Variants in ANGPT4 observed in about 807,000 individuals in gnomAD.
ANGPT4 encodes the protein angiopoietin 4.
A neutral mutation model predicts 53.0 loss-of-function variants in ANGPT4; 50 were observed. The observed-to-expected ratio is 0.94, with a 90% CI of 0.75 to 1.20. The LOEUF is 1.20. ANGPT4 is among the 50% of genes most tolerant of loss of function. ANGPT4 has a pLI of 0.00. For synonymous variants in ANGPT4, 251 were observed against 259.7 expected (o/e 0.97, Z 0.32); for missense variants, 648 against 637.1 (o/e 1.02, Z -0.18).
At chr20:890,492 G>A (rs1981799659) in intron 1 of ANGPT4, 124 bp from the exon 2 acceptor site, 2 of 799,074 alleles carry the variant, frequency 2.5e-6, no homozygotes, top group Non-Finnish European at 3.9e-6. Flanking sequence ...GAACATGCCG[G>A]GCCAGGTCAG....
rs1052692098 is a variant in ANGPT4, at chr20:881,115, G to C, written c.951+56C>G. Reference sequence around the variant, plus strand: ...CGATGGGGTGCGGGGTGTCTGTTTGGGAAGCCCTTGGCTCAGCACCCTCTA... The same window carrying C: ...CGATGGGGTGCGGGGTGTCTGTTTGCGAAGCCCTTGGCTCAGCACCCTCTA... On this transcript the variant is annotated intron_variant, in intron 5 of 8. Coordinates refer to ENST00000381922, the MANE Select transcript of ANGPT4 (RefSeq NM_015985.4). 24 of 1,356,384 alleles carry C rather than the reference G, an allele frequency of 1.8e-5. No individual in the cohort carries two copies. The African/African-American group carries it at 3.1e-4, about 18-fold the overall frequency. 84.0% of individuals were successfully genotyped at this position (1,356,384 alleles called of 1,614,324 possible).
At chr20:899,469 A>G (rs111561007) in intron 1 of ANGPT4, among the ~76,000 whole-genome samples, 4,169 of 151,846 alleles carry the variant, frequency 0.027, 181 homozygotes, top group African/African-American at 0.095. Flanking sequence ...TAGCCAGGAT[A>G]TTCTCGATTT....
intron 1 of ANGPT4, among the ~76,000 whole-genome samples, chr20:902,244 T>C (rs569003703): frequency 2.4e-4 from 37 of 152,206 alleles, no homozygotes; most frequent in African/African-American, 8.4e-4. Context: ...TAATAGAATA[T>C]TTAACAACTA....
chr20:879,889 G>A (rs901370095), intron 5 of ANGPT4, 41 bp from the exon 6 acceptor site: 1 of 1,526,980 alleles, frequency 6.5e-7, no homozygotes, highest in Non-Finnish European at 9.0e-7. Context: ...GCCCTTGGAG[G>A]TAGCCAGAGG....
At position 890,234 on chromosome 20, in the gene ANGPT4, C is replaced by T. The variant is rs1418870123; in HGVS notation, c.444G>A (p.Lys148=). 1 of 1,613,762 alleles carries T rather than the reference C, an allele frequency of 6.2e-7. No homozygotes were observed. Among genetic ancestry groups the T allele is most frequent in the Non-Finnish European group, 8.5e-7 (1 of 1,179,954 alleles). The change falls in exon 2 of 9, where the codon AAG becomes AAA. Residue 148 remains lysine, a synonymous_variant. Transcript: ENST00000381922. The part of the protein sequence containing the change: ...LLNQTTAQIR[K]LTDMEAQLLN... The stretch of plus-strand genomic sequence containing the variant: ...TTACCTGAGCCTCCATGTCGGTCAG[C>T]TTGCGGATCTGGGCAGTGGTCTGGT...
Position 885,213 on chromosome 20 carries a change from G to T in ANGPT4, c.700C>A (p.Leu234Ile). The change falls in exon 4 of 9, where the codon CTC (leucine) becomes ATC (isoleucine). Residue 234 changes from leucine (L) to isoleucine (I), a missense_variant. Physicochemically the swap from Leu to Ile is conservative, Grantham distance 5 (BLOSUM62 2). Coordinates refer to ENST00000381922, the MANE Select transcript of ANGPT4 (RefSeq NM_015985.4). ...LNTLSRQSAALTNIERGLRGV... is the reference protein window; with the variant it reads ...LNTLSRQSAAITNIERGLRGV... ...CGCAGGCCGCGCTCGATGTTGGTGA[G>T]GGCGGCGCTCTGGCGGCTCAGCGTG... The T allele has an allele frequency of 6.3e-7, 1 of 1,595,938 alleles. No individual in the cohort carries two copies. Among genetic ancestry groups the T allele is most frequent in the East Asian group, 2.3e-5 (1 of 44,072 alleles).
intron 1 of ANGPT4, among the ~76,000 whole-genome samples, chr20:907,241 C>T (rs1414438240): frequency 6.6e-6 from 1 of 152,124 alleles, no homozygotes; most frequent in Non-Finnish European, 1.5e-5. Flanking sequence ...ATATTTGGGA[C>T]TTCCCTGGCT....
intron 1 of ANGPT4, among the ~76,000 whole-genome samples, chr20:903,845 C>G (rs1450284378): frequency 8.5e-5 from 13 of 152,118 alleles, no homozygotes; most frequent in Admixed American, 8.5e-4. Flanking sequence ...GGTAGGAGCC[C>G]AGGCAGGGAG....
At chr20:901,593 C>T (rs757005702) in intron 1 of ANGPT4, among the ~76,000 whole-genome samples, 1 of 152,200 alleles carries the variant, frequency 6.6e-6, no homozygotes. Context: ...CACGGACGCA[C>T]GTGACACTAT....
At chr20:873,602 C>T (rs1300921513) in intron 8 of ANGPT4, among the ~76,000 whole-genome samples, 1 of 151,978 alleles carries the variant, frequency 6.6e-6, no homozygotes, top group Non-Finnish European at 1.5e-5. Flanking sequence ...TCCCTCTCTG[C>T]CTTTCGTGTC....
chr20:882,954 C>G (rs1218145848), intron 4 of ANGPT4, among the ~76,000 whole-genome samples: 1 of 152,190 alleles, frequency 6.6e-6, no homozygotes, highest in Non-Finnish European at 1.5e-5. Flanking sequence ...TGATATGCAA[C>G]AGTTTGATCT....
At chr20:894,283 G>A (rs913955181) in intron 1 of ANGPT4, among the ~76,000 whole-genome samples, 1 of 152,154 alleles carries the variant, frequency 6.6e-6, no homozygotes, top group Non-Finnish European at 1.5e-5. Context: ...GGGATTCTAA[G>A]TTGGCCTAGG....
chr20:899,091 G>A (rs1982173259), intron 1 of ANGPT4, among the ~76,000 whole-genome samples: 1 of 152,034 alleles, frequency 6.6e-6, no homozygotes, highest in Non-Finnish European at 1.5e-5. Flanking sequence ...TACAGTGGAG[G>A]GTAAGTCTGT....
intron 1 of ANGPT4, among the ~76,000 whole-genome samples, chr20:894,888 C>G (rs1327646734): frequency 6.6e-6 from 1 of 152,188 alleles, no homozygotes; most frequent in African/African-American, 2.4e-5. Flanking sequence ...CCTCAAGTGA[C>G]TGGAGCTCCC....
At chr20:882,833 T>C (rs1045685366) in intron 4 of ANGPT4, among the ~76,000 whole-genome samples, 3 of 152,186 alleles carry the variant, frequency 2.0e-5, no homozygotes, top group African/African-American at 7.2e-5. Context: ...ACACAAAAAG[T>C]GAAATACTCA....
Position 885,274 on chromosome 20 carries a change from C to G in ANGPT4, c.639G>C (p.Leu213=). The G allele has an allele frequency of 6.3e-7, 1 of 1,582,786 alleles. No individual in the cohort carries two copies. Among genetic ancestry groups the G allele is most frequent in the Non-Finnish European group, 8.6e-7 (1 of 1,165,760 alleles). ...QALETKQQEE[L]ASILSKKAKL... ...TCGCCTTCTTGCTGAGGATGCTGGCCAGCTCCTCCTGCTGCTTGGTCTCCA... is the reference window on the plus strand; with the variant it reads ...TCGCCTTCTTGCTGAGGATGCTGGCGAGCTCCTCCTGCTGCTTGGTCTCCA... Residue 213 remains leucine (L), a synonymous_variant, in exon 4 of 9, where the codon CTG becomes CTC. Transcript: ENST00000381922.
chr20:877,836 G>C (rs553724414), intron 7 of ANGPT4, among the ~76,000 whole-genome samples: 4 of 152,218 alleles, frequency 2.6e-5, no homozygotes, highest in African/African-American at 2.4e-5. Flanking sequence ...CATAGGACAG[G>C]CTGGGCAAGT....
chr20:893,201 A>G (rs182116222), intron 1 of ANGPT4, among the ~76,000 whole-genome samples: 2 of 152,378 alleles, frequency 1.3e-5, no homozygotes, highest in East Asian at 3.9e-4. Context: ...TCCTTCAATT[A>G]TGAGCCTAGG....
chr20:878,368 G>A (rs780002725), intron 6 of ANGPT4, 41 bp from the exon 7 acceptor site: 3 of 1,563,692 alleles, frequency 1.9e-6, no homozygotes, highest in South Asian at 1.1e-5. Context: ...ATGCTGAGGA[G>A]GAGGCCATGT....
Sources: allele counts gnomAD v4.1 joint callset (sites outside exome capture counted in the v4.1 genomes callset), GRCh38; gene constraint gnomAD v4.1.1; transcripts MANE v1.5; gene names NCBI Gene and HGNC (gene_info 2026-07-23, HGNC 2026-07-21).